WIPF1: variants seen among roughly 807,000 people sequenced by gnomAD.
WIPF1 encodes the protein WAS/WASL-interacting protein family member 1.
WIPF1 carries 13 observed loss-of-function variants against 35.4 expected under a neutral mutation model. The ratio of observed to expected loss-of-function variants is 0.37; its 90% confidence interval spans 0.24 to 0.58. The LOEUF (loss-of-function observed/expected upper bound fraction) is 0.58, where lower values mean the gene tolerates loss of function less well. Among genes scored for constraint, WIPF1 ranks in the 20% least tolerant of loss-of-function variants. The pLI is 0.74. For synonymous variants in WIPF1, 267 were observed against 266.3 expected, an observed-to-expected ratio of 1.00 and a Z score of -0.02; for missense variants, 591 against 667.0, an observed-to-expected ratio of 0.89 and a Z score of 1.25.
chr2:174,627,700 C>A (rs953954742), intron 1 of WIPF1, among the ~76,000 whole-genome samples: 1 of 152,006 alleles, frequency 6.6e-6, no homozygotes, highest in African/African-American at 2.4e-5. Flanking sequence ...GTGAATGCCA[C>A]CAAACCTGGC....
intron 1 of WIPF1, among the ~76,000 whole-genome samples, chr2:174,605,754 C>T (rs960836817): frequency 6.6e-6 from 1 of 151,838 alleles, no homozygotes; most frequent in African/African-American, 2.4e-5. Context: ...ATGAAATAGC[C>T]ATTCTTGAAG....
Position 174,562,192 on chromosome 2 carries a change from G to T in WIPF1, c.*355C>A. ...AAGGAACGGGAGAAAACAGCTCTCA[G>T]GGACTTTAATAATTACAGTCTGTAA... On this transcript the variant is annotated 3_prime_UTR_variant, in exon 8 of 8. Coordinates refer to ENST00000679041, the MANE Select transcript of WIPF1 (RefSeq NM_001375834.1). The T allele has an allele frequency of 6.4e-7, 1 of 1,550,414 alleles. No individual in the cohort carries two copies. The highest frequency in any genetic ancestry group is 1.2e-5 in the South Asian group (1 of 84,054).
intron 1 of WIPF1, among the ~76,000 whole-genome samples, chr2:174,682,186 G>A (rs1004910071): frequency 6.6e-5 from 10 of 152,222 alleles, no homozygotes; most frequent in African/African-American, 2.4e-4. Flanking sequence ...TGTCTCTAAG[G>A]TCGACGCAGA....
At chr2:174,668,449 T>G (rs1261837862) in intron 1 of WIPF1, among the ~76,000 whole-genome samples, 1 of 152,240 alleles carries the variant, frequency 6.6e-6, no homozygotes, top group East Asian at 1.9e-4. Flanking sequence ...ATTATATTCC[T>G]TCTCTACCAG....
At chr2:174,660,230 T>C (rs561138121) in intron 1 of WIPF1, among the ~76,000 whole-genome samples, 17 of 152,324 alleles carry the variant, frequency 1.1e-4, no homozygotes, top group African/African-American at 3.6e-4. Flanking sequence ...TCTTCTTCGC[T>C]ATAAAGAAGT....
chr2:174,573,271 GAA>G (rs5836465), intron 4 of WIPF1, among the ~76,000 whole-genome samples: 1,660 of 138,450 alleles, frequency 0.012, 39 homozygotes, highest in African/African-American at 0.043. Context: ...AGGTAATTCT[GAA>G]AAAAAAAAAA....
chr2:174,657,390 A>G (rs1000906326), intron 1 of WIPF1, among the ~76,000 whole-genome samples: 5 of 152,234 alleles, frequency 3.3e-5, no homozygotes, highest in African/African-American at 1.2e-4. Context: ...TATGTGATAG[A>G]TATTTAAAGT....
chr2:174,585,244 G>C (rs888202079), intron 2 of WIPF1, among the ~76,000 whole-genome samples: 5 of 152,176 alleles, frequency 3.3e-5, no homozygotes, highest in African/African-American at 1.2e-4. Flanking sequence ...CCTATCTTGG[G>C]CCAGCACATG....
intron 1 of WIPF1, among the ~76,000 whole-genome samples, chr2:174,654,935 A>AG (rs1276906897): frequency 6.6e-6 from 1 of 152,230 alleles, no homozygotes; most frequent in Non-Finnish European, 1.5e-5. Context: ...AGCAGAGCTA[A>AG]GAAGCACCTA....
In WIPF1 at chr2:174,561,408, G is replaced by A. The variant is rs1254580443; in HGVS notation, c.*1139C>T. ...CTTGCTCAGCCAGAAAGGAACAAAG[G>A]CTGCTTCCATTTCACAAGGCAGAAG... On this transcript the variant is annotated 3_prime_UTR_variant, in exon 8 of 8. Coordinates refer to ENST00000679041, the MANE Select transcript of WIPF1 (RefSeq NM_001375834.1). 2.6e-5 allele frequency: 4 copies of A among 152,168 alleles called. No homozygotes were observed. The East Asian group carries it at 7.7e-4, about 29-fold the overall frequency. 9.4% of individuals were successfully genotyped at this position (152,168 alleles called of 1,614,324 possible). A position where few individuals can be genotyped will look rare whatever the true frequency, so the allele number is the denominator to read the frequency against.
At position 174,562,143 on chromosome 2, in the gene WIPF1, A is replaced by G; in HGVS notation, c.*404T>C. On this transcript the variant is annotated 3_prime_UTR_variant, in exon 8 of 8. Transcript: ENST00000679041. ...TAGGTGGTCTGTGGTTCATAGAAACAGAGAGGAGGCCAAGCATGCGAAAAA... is the reference window on the plus strand; with the variant it reads ...TAGGTGGTCTGTGGTTCATAGAAACGGAGAGGAGGCCAAGCATGCGAAAAA... 1 of 1,550,632 alleles carries G rather than the reference A, an allele frequency of 6.4e-7. No homozygotes were observed. Among genetic ancestry groups the G allele is most frequent in the Non-Finnish European group, 8.7e-7 (1 of 1,147,008 alleles).
At chr2:174,566,723 T>A (rs2105793684) in intron 7 of WIPF1, 2 of 197,646 alleles carry the variant, frequency 1.0e-5, no homozygotes, top group Non-Finnish European at 2.1e-5. Context: ...AATCAGACAT[T>A]ATGCCAATTT....
chr2:174,571,527 C>T lies in WIPF1; in HGVS notation c.1129+149G>A, dbSNP rs1421761226. The T allele has an allele frequency of 8.2e-6, 9 of 1,101,358 alleles. No individual in the cohort carries two copies. Among genetic ancestry groups the T allele is most frequent in the Middle Eastern group, 4.0e-4 (2 of 5,038 alleles). 68.2% of individuals were successfully genotyped at this position (1,101,358 alleles called of 1,614,324 possible). On this transcript the variant is annotated intron_variant, in intron 5 of 7. Transcript: ENST00000679041. This position sits in a 1 kb window ranked among gnomAD's most constrained non-coding sequence, Gnocchi z 4.6. ...TTCCCCCGGGGTTTACACGAGGTCA[C>T]GATCACACGTGTCGTGTGCCACTTA... is the stretch of plus-strand genomic sequence containing the variant.
At chr2:174,678,886 CACTTGGTAAACT>C (rs1034118124) in intron 1 of WIPF1, among the ~76,000 whole-genome samples, 1 of 152,228 alleles carries the variant, frequency 6.6e-6, no homozygotes, top group Non-Finnish European at 1.5e-5. Flanking sequence ...CGACATGAAA[CACTTGGTAAACT>C]ACAGACAGCT....
intron 1 of WIPF1, among the ~76,000 whole-genome samples, chr2:174,633,264 C>G (rs917738830): frequency 6.6e-6 from 1 of 152,204 alleles, no homozygotes; most frequent in African/African-American, 2.4e-5. Context: ...CATCACTGTT[C>G]TAGTTATTTG....
At chr2:174,583,009 A>T (rs1685287331) in intron 2 of WIPF1, among the ~76,000 whole-genome samples, 1 of 152,178 alleles carries the variant, frequency 6.6e-6, no homozygotes, top group Non-Finnish European at 1.5e-5. Context: ...CATTTGCCCC[A>T]GGCACCTAGT....
chr2:174,614,103 C>T (rs1269661516), intron 1 of WIPF1, among the ~76,000 whole-genome samples: 2 of 152,122 alleles, frequency 1.3e-5, no homozygotes, highest in Non-Finnish European at 2.9e-5. Flanking sequence ...AAAGAAAATG[C>T]CCTACAAATT....
At chr2:174,634,368 T>C (rs1273999344) in intron 1 of WIPF1, 1 of 152,184 alleles carries the variant, frequency 6.6e-6, no homozygotes, top group Non-Finnish European at 1.5e-5. Flanking sequence ...TCTAACAACG[T>C]GCAGTTAACA....
At chr2:174,605,896 CT>C (rs1419195871) in intron 1 of WIPF1, among the ~76,000 whole-genome samples, 1 of 151,832 alleles carries the variant, frequency 6.6e-6, no homozygotes, top group African/African-American at 2.4e-5. Context: ...CCACTAGAGG[CT>C]GTTAAAGAGG....
Sources: gnomAD v4.1 joint callset for allele counts (sites outside exome capture counted in the v4.1 genomes callset) on GRCh38, gnomAD v4.1.1 for gene constraint, Gnocchi (gnomAD v3.1) non-coding constraint, MANE v1.5 for transcripts, NCBI Gene and HGNC (gene_info 2026-07-23, HGNC 2026-07-21) for gene names.